Variants in CCBE1 observed in about 807,000 individuals in gnomAD.
CCBE1 encodes collagen and calcium-binding EGF domain-containing protein 1.
CCBE1 carries 37 observed loss-of-function variants against 50.0 expected under a neutral mutation model. That is an observed-to-expected ratio of 0.74 (90% confidence interval 0.57 to 0.97). The LOEUF is 0.97. Among genes scored for constraint, CCBE1 ranks in the 50% least tolerant of loss-of-function variants. CCBE1 has a pLI of 0.00. For missense variants in CCBE1, 538 were observed against 523.8 expected (o/e 1.03, Z -0.26); for synonymous variants, 234 against 203.7 (o/e 1.15, Z -1.27).
rs150193363 is a variant in CCBE1, at chr18:59,483,773, A to G, written c.213-3535T>C. Among the ~76,000 whole-genome samples, 1,254 of 152,320 alleles carry G rather than the reference A, an allele frequency of 8.2e-3. 16 individuals are homozygous for G. The highest frequency in any genetic ancestry group is 0.038 in the South Asian group (182 of 4,824). The stretch of plus-strand genomic sequence containing the variant: ...GCAGTGGTGGTAGATATCTTACTTC[A>G]AAAGCATATGAAGTATGCTTTCAAT... On this transcript the variant is annotated intron_variant, in intron 2 of 10. Coordinates refer to ENST00000439986, the MANE Select transcript of CCBE1 (RefSeq NM_133459.4).
At chr18:59,622,584 C>T (rs1049122762) in intron 2 of CCBE1, among the ~76,000 whole-genome samples, 10 of 151,498 alleles carry the variant, frequency 6.6e-5, no homozygotes, top group Non-Finnish European at 8.8e-5. Context: ...AGGTAGATCA[C>T]GAGGTCAGGA....
chr18:59,617,641 G>A (rs1243615444), intron 2 of CCBE1, among the ~76,000 whole-genome samples: 1 of 152,230 alleles, frequency 6.6e-6, no homozygotes, highest in East Asian at 1.9e-4. Flanking sequence ...CAATGCCCCT[G>A]CCGCTCTGGC....
intron 2 of CCBE1, among the ~76,000 whole-genome samples, chr18:59,642,891 G>C (rs1868729310): frequency 1.4e-5 from 2 of 143,922 alleles, no homozygotes; most frequent in Admixed American, 1.5e-4. Context: ...GGAGGTTGCA[G>C]TGAACCGAGA....
At chr18:59,606,661 T>C (rs2053503093) in intron 2 of CCBE1, among the ~76,000 whole-genome samples, 1 of 152,180 alleles carries the variant, frequency 6.6e-6, no homozygotes, top group African/African-American at 2.4e-5. Context: ...CTCTGGAGGC[T>C]GTATCTTAAT....
At chr18:59,497,793 C>T (rs573130598) in intron 2 of CCBE1, among the ~76,000 whole-genome samples, 38 of 152,206 alleles carry the variant, frequency 2.5e-4, no homozygotes, top group African/African-American at 8.2e-4. Flanking sequence ...TGGGATGGTC[C>T]GACTTTGTAC....
intron 2 of CCBE1, among the ~76,000 whole-genome samples, chr18:59,692,885 A>G: frequency 2.5e-5 from 1 of 40,750 alleles, no homozygotes; most frequent in African/African-American, 5.4e-5. Context: ...ATGAACCCCA[A>G]AGCCAAAATC....
intron 2 of CCBE1, among the ~76,000 whole-genome samples, chr18:59,583,186 T>A (rs2053112054): frequency 6.6e-6 from 1 of 152,182 alleles, no homozygotes; most frequent in African/African-American, 2.4e-5. Context: ...AGCACAGGGA[T>A]GGGTTCTCCC....
intron 2 of CCBE1, among the ~76,000 whole-genome samples, chr18:59,573,234 G>A (rs1010317679): frequency 2.0e-5 from 3 of 147,336 alleles, no homozygotes; most frequent in Admixed American, 6.8e-5. Context: ...GCAGTGAGCC[G>A]GGATTGTGCC....
At position 59,510,835 on chromosome 18, in the gene CCBE1, G is replaced by C. The variant is rs981284036; in HGVS notation, c.213-30597C>G. ...TTGCATGCATGCATAAAGAAACATA[G>C]ACTAGTTAAGATGGTCTTAAAATGT... is the stretch of plus-strand genomic sequence containing the variant. On this transcript the variant is annotated intron_variant, in intron 2 of 10. Transcript: ENST00000439986. 5.9e-5 allele frequency among the ~76,000 whole-genome samples: 9 copies of C among 152,158 alleles called. No individual in the cohort carries two copies. The East Asian group carries it at 1.7e-3, about 29-fold the overall frequency.
chr18:59,482,306 A>G (rs1043100541), intron 2 of CCBE1, among the ~76,000 whole-genome samples: 2 of 152,184 alleles, frequency 1.3e-5, no homozygotes, highest in Non-Finnish European at 2.9e-5. Flanking sequence ...CAGATGCTGG[A>G]GAGGATGTGG....
chr18:59,504,927 G>A (rs1913799725), intron 2 of CCBE1, among the ~76,000 whole-genome samples: 1 of 152,070 alleles, frequency 6.6e-6, no homozygotes, highest in South Asian at 2.1e-4. Context: ...CAGCAGAGAG[G>A]ACACTGCCAT....
At chr18:59,671,793 A>AAAAGGATGGTGGGAAGGT (rs2054434892) in intron 2 of CCBE1, among the ~76,000 whole-genome samples, 1 of 144,626 alleles carries the variant, frequency 6.9e-6, no homozygotes, top group Non-Finnish European at 1.5e-5. Context: ...CAGATTAGAT[A>AAAAGGATGGTGGGAAGGT]AAAGGATGGT....
chr18:59,628,642 C>T (rs1228962424), intron 2 of CCBE1, among the ~76,000 whole-genome samples: 1 of 152,262 alleles, frequency 6.6e-6, no homozygotes, highest in South Asian at 2.1e-4. Context: ...TGGGATCAGG[C>T]CTTCTAATCT....
Position 59,682,101 on chromosome 18 carries a change from T to C in CCBE1, c.212+14528A>G, listed in dbSNP as rs933399856. Reference sequence around the variant, plus strand: ...CTCCCAGACCGGGCGCGTTGGCTCATGCCTGTAATCCCAGCACTTTGGGAG... The same window carrying C: ...CTCCCAGACCGGGCGCGTTGGCTCACGCCTGTAATCCCAGCACTTTGGGAG... On this transcript the variant is annotated intron_variant, in intron 2 of 10. Transcript: ENST00000439986. Among the ~76,000 whole-genome samples, 8 of 152,268 alleles carry C rather than the reference T, an allele frequency of 5.3e-5. No individual in the cohort carries two copies. The East Asian group carries it at 5.8e-4, about 11-fold the overall frequency.
At chr18:59,640,006 A>G (rs757144007) in intron 2 of CCBE1, among the ~76,000 whole-genome samples, 5 of 152,230 alleles carry the variant, frequency 3.3e-5, no homozygotes, top group Non-Finnish European at 5.9e-5. Flanking sequence ...AAACAGATGG[A>G]AAAACATTCC....
At chr18:59,564,309 C>G (rs1322614970) in intron 2 of CCBE1, among the ~76,000 whole-genome samples, 1 of 152,178 alleles carries the variant, frequency 6.6e-6, no homozygotes, top group Non-Finnish European at 1.5e-5. Context: ...ATAATTCTCT[C>G]AACTTTATAC....
intron 2 of CCBE1, among the ~76,000 whole-genome samples, chr18:59,547,080 A>AGGGGGACAGAGGGGGATAG (rs1491575459): frequency 9.4e-6 from 1 of 106,636 alleles, no homozygotes; most frequent in Non-Finnish European, 1.9e-5. Flanking sequence ...AGGGGGAGAG[A>AGGGGGACAGAGGGGGATAG]AAGGGAGAGA....
At chr18:59,518,734 A>G (rs1464022355) in intron 2 of CCBE1, among the ~76,000 whole-genome samples, 3 of 152,120 alleles carry the variant, frequency 2.0e-5, no homozygotes, top group African/African-American at 7.2e-5. Flanking sequence ...CACACTTTCC[A>G]TGTTTGTGGG....
chr18:59,601,988 A>G (rs973569507), intron 2 of CCBE1, among the ~76,000 whole-genome samples: 2 of 152,142 alleles, frequency 1.3e-5, no homozygotes, highest in African/African-American at 4.8e-5. Context: ...ACATCCACAA[A>G]CCTGAAACAT....
Sources: allele counts gnomAD v4.1 joint callset (sites outside exome capture counted in the v4.1 genomes callset), GRCh38; gene constraint gnomAD v4.1.1; transcripts MANE v1.5; gene names NCBI Gene and HGNC (gene_info 2026-07-23, HGNC 2026-07-21).